TMEM87A: variants seen among roughly 807,000 people sequenced by gnomAD.
TMEM87A encodes the protein Golgi-pH regulating cation channel.
A neutral mutation model predicts 90.0 loss-of-function variants in TMEM87A; 50 were observed. The observed-to-expected ratio is 0.56, with a 90% CI of 0.44 to 0.70. The LOEUF (loss-of-function observed/expected upper bound fraction) is 0.70, where lower values mean the gene tolerates loss of function less well. TMEM87A is among the 30% of genes least tolerant of loss of function. TMEM87A has a pLI of 0.00. For missense variants in TMEM87A, 577 were observed against 660.5 expected (o/e 0.87, Z 1.39); for synonymous variants, 226 against 226.7 (o/e 1.00, Z 0.03).
At chr15:42,250,704 C>A (rs1016139395) in intron 6 of TMEM87A, among the ~76,000 whole-genome samples, 1 of 152,138 alleles carries the variant, frequency 6.6e-6, no homozygotes, top group Non-Finnish European at 1.5e-5. Context: ...GTGAATCTGA[C>A]AATTATGTGT....
intron 11 of TMEM87A, chr15:42,231,764 C>T: frequency 1.9e-6 from 1 of 537,114 alleles, no homozygotes; most frequent in Non-Finnish European, 2.6e-6. Context: ...AACTATGCTG[C>T]ATGTTTCCAG....
chr15:42,252,119 C>T lies in TMEM87A; in HGVS notation c.505-7952G>A, dbSNP rs763619459. On this transcript the variant is annotated intron_variant, in intron 6 of 19. Coordinates refer to ENST00000389834, the MANE Select transcript of TMEM87A (RefSeq NM_015497.5). ...CTGTTGGAAAAATGCAGTATTAAGG[C>T]GGGAGTGTCCCAGTTTTCCCAGTAC... Among the ~76,000 whole-genome samples, 7 of 152,216 alleles carry T rather than the reference C, an allele frequency of 4.6e-5. No individual in the cohort carries two copies. In the South Asian group the frequency reaches 8.3e-4, roughly 18 times the overall value.
chr15:42,216,966 T>C (rs568800733), intron 19 of TMEM87A, among the ~76,000 whole-genome samples: 5 of 150,956 alleles, frequency 3.3e-5, no homozygotes, highest in South Asian at 2.1e-4. Context: ...CTTTTCTTTT[T>C]TTTTTTTTTT....
intron 7 of TMEM87A, among the ~76,000 whole-genome samples, chr15:42,242,568 AAGAG>A (rs970801330): frequency 2.7e-5 from 4 of 145,632 alleles, no homozygotes; most frequent in Non-Finnish European, 5.9e-5. Flanking sequence ...GAGGAAGAGA[AAGAG>A]AGAGAGAGAC....
In TMEM87A at chr15:42,267,962, T is replaced by A; in HGVS notation, c.276A>T (p.Glu92Asp). ...TGTTCCTTACCTTGAAGTTATAGAT[T>A]TCATTGTAACAATCAGCGCTTTTCA... ...WYLKSADCYN[E>D]IYNFKAEEVE... is the part of the protein sequence containing the mutation. The change falls in exon 3 of 20, where the codon GAA (glutamate) becomes GAT (aspartate). Residue 92 changes from glutamate (E) to aspartate (D), a missense_variant. Physicochemically the swap from Glu to Asp is conservative, Grantham distance 45. Coordinates refer to ENST00000389834, the MANE Select transcript of TMEM87A (RefSeq NM_015497.5). 1.2e-6 allele frequency: 2 copies of A among 1,613,132 alleles called. No homozygotes were observed. The highest frequency in any genetic ancestry group is 1.7e-6 in the Non-Finnish European group (2 of 1,179,496).
intron 6 of TMEM87A, chr15:42,258,511 C>G (rs576378992): frequency 7.2e-5 from 27 of 373,514 alleles, no homozygotes; most frequent in African/African-American, 5.7e-4. Context: ...ACTGCAGCCT[C>G]CACCTCCCAA....
At chr15:42,248,829 C>A (rs1218485077) in intron 6 of TMEM87A, among the ~76,000 whole-genome samples, 2 of 152,060 alleles carry the variant, frequency 1.3e-5, no homozygotes, top group African/African-American at 4.8e-5. Context: ...CCCTCTTTTT[C>A]TATTGGTTGG....
chr15:42,253,004 G>T (rs978394521), intron 6 of TMEM87A, among the ~76,000 whole-genome samples: 21 of 152,162 alleles, frequency 1.4e-4, no homozygotes, highest in African/African-American at 5.1e-4. Context: ...TTTTTGTAAA[G>T]TCTGCATTCT....
At chr15:42,265,928 T>C (rs2051393659) in intron 3 of TMEM87A, among the ~76,000 whole-genome samples, 1 of 152,198 alleles carries the variant, frequency 6.6e-6, no homozygotes, top group Non-Finnish European at 1.5e-5. Flanking sequence ...AATCTGCATA[T>C]GGCCAGCACG....
At chr15:42,261,637 CT>C (rs3035840) in intron 4 of TMEM87A, among the ~76,000 whole-genome samples, 47 of 143,788 alleles carry the variant, frequency 3.3e-4, no homozygotes, top group African/African-American at 1.0e-3. Context: ...ACCTAATATT[CT>C]TTTTTTTTTT....
At chr15:42,263,962 A>G (rs2051347084) in intron 4 of TMEM87A, 128 bp downstream of exon 4, 1 of 670,504 alleles carries the variant, frequency 1.5e-6, no homozygotes, top group Admixed American at 2.7e-5. Flanking sequence ...CTATGTACCT[A>G]TCAGAACATG....
At chr15:42,217,973 T>G (rs890709628) in intron 18 of TMEM87A, 140 bp from the exon 19 acceptor site, 3 of 792,604 alleles carry the variant, frequency 3.8e-6, no homozygotes, top group African/African-American at 3.5e-5. Context: ...TTAGGAAAAA[T>G]AAACAGCAAA....
chr15:42,220,087 C>T lies in TMEM87A; in HGVS notation c.1452G>A (p.Lys484=). 1 of 1,608,932 alleles carries T rather than the reference C, an allele frequency of 6.2e-7. No homozygotes were observed. Among genetic ancestry groups the T allele is most frequent in the African/African-American group, 1.3e-5 (1 of 74,674 alleles). ...LSEEEEEDEQ[K]EPMLKESFEG... is the part of the protein sequence containing the mutation. ...CAAAGCTTTCTTTCAGCATAGGCTC[C>T]TTTTGTTCATCCTCCTCCTCTTCCT... The change falls in exon 16 of 20, where the codon AAG becomes AAA. Residue 484 remains lysine (K), a synonymous_variant. Transcript: ENST00000389834.
chr15:42,240,336 C>T (rs998360704), intron 7 of TMEM87A, among the ~76,000 whole-genome samples: 4 of 152,068 alleles, frequency 2.6e-5, no homozygotes, highest in Admixed American at 6.6e-5. Flanking sequence ...ATCCCTCATA[C>T]AAGATTGAAA....
At chr15:42,219,736 A>G in intron 16 of TMEM87A, 94 bp from the exon 17 acceptor site, 1 of 823,544 alleles carries the variant, frequency 1.2e-6, no homozygotes, top group Non-Finnish European at 1.9e-6. Context: ...TTTTAAATTA[A>G]AAGCCCCAAA....
intron 6 of TMEM87A, among the ~76,000 whole-genome samples, chr15:42,244,407 T>C (rs1044568008): frequency 2.0e-5 from 3 of 151,924 alleles, no homozygotes; most frequent in African/African-American, 4.8e-5. Context: ...ATTTAACATA[T>C]TTTTTTAATG....
intron 19 of TMEM87A, among the ~76,000 whole-genome samples, chr15:42,213,195 G>A (rs2050323361): frequency 6.6e-6 from 1 of 152,202 alleles, no homozygotes; most frequent in South Asian, 2.1e-4. Flanking sequence ...GAAATGACTG[G>A]AATGTACATC....
At chr15:42,219,393 CT>C (rs1346979903) in intron 17 of TMEM87A, among the ~76,000 whole-genome samples, 187 bp downstream of exon 17, 1 of 152,076 alleles carries the variant, frequency 6.6e-6, no homozygotes, top group Non-Finnish European at 1.5e-5. Context: ...TGGGCAGAAG[CT>C]TTATAGTTTG....
chr15:42,265,015 T>C (rs2051375087), intron 3 of TMEM87A, among the ~76,000 whole-genome samples: 1 of 152,178 alleles, frequency 6.6e-6, no homozygotes, highest in South Asian at 2.1e-4. Flanking sequence ...TTCTGTGTTC[T>C]TGCAAAGGAA....
Sources: gnomAD v4.1 joint callset for allele counts (sites outside exome capture counted in the v4.1 genomes callset) on GRCh38, gnomAD v4.1.1 for gene constraint, MANE v1.5 for transcripts, NCBI Gene and HGNC (gene_info 2026-07-23, HGNC 2026-07-21) for gene names.